ASPM: variants seen among roughly 807,000 people sequenced by gnomAD.
ASPM encodes the protein abnormal spindle-like microcephaly-associated protein.
A neutral mutation model predicts 366.4 loss-of-function variants in ASPM; 256 were observed. The observed-to-expected ratio is 0.70, with a 90% confidence interval of 0.63 to 0.77. The LOEUF (loss-of-function observed/expected upper bound fraction) is 0.77. Ranked by LOEUF, ASPM falls within the 30% of genes least tolerant of loss-of-function variation. The pLI, the probability that ASPM is intolerant of heterozygous loss-of-function variation, is 0.00. For synonymous variants in ASPM, 1,414 were observed against 1,342.9 expected (o/e 1.05, Z -1.16); for missense variants, 4,146 against 4,090.4 (o/e 1.01, Z -0.37).
rs772828137 is a variant in ASPM, at chr1:197,117,777, A to C, written c.4065+12T>G. ...ATTTTTTAAATTCAAAAATTAGTCC[A>C]GGATACTATACCTGAATAAGTGATG... On this transcript the variant is annotated intron_variant, in intron 17 of 27. Transcript: ENST00000367409. 1 of 1,602,172 alleles carries C rather than the reference A, an allele frequency of 6.2e-7. No individual in the cohort carries two copies. The highest frequency in any genetic ancestry group is 8.5e-7 in the Non-Finnish European group (1 of 1,175,692).
rs1172814983 is a variant in ASPM, at chr1:197,101,974, C to A, written c.7277G>T (p.Arg2426Ile). ...AGTAGCTTTTTTGAGGGAAATGAATCTTCTCCTCACCAGTAATGATCTAAA... is the reference window on the plus strand; with the variant it reads ...AGTAGCTTTTTTGAGGGAAATGAATATTCTCCTCACCAGTAATGATCTAAA... ...SRFRSLLVRR[R>I]FISLKKATIF... The change falls in exon 18 of 28, where the codon AGA (arginine) becomes ATA (isoleucine). Residue 2426 changes from arginine (R) to isoleucine (I), a missense_variant. By Grantham distance (97) the Arg-to-Ile change is moderately conservative. Transcript: ENST00000367409. The A allele has an allele frequency of 6.2e-7, 1 of 1,612,580 alleles. No individual in the cohort carries two copies. The highest frequency in any genetic ancestry group is 1.3e-5 in the African/African-American group (1 of 74,766).
Position 197,128,590 on chromosome 1 carries a change from A to C in ASPM, c.2836T>G (p.Leu946Val), listed in dbSNP as rs1362543998. 1 of 1,613,866 alleles carries C rather than the reference A, an allele frequency of 6.2e-7. No homozygotes were observed. The highest frequency in any genetic ancestry group is 1.7e-5 in the Admixed American group (1 of 60,012). Residue 946 changes from leucine to valine, a missense_variant, in exon 10 of 28, where the codon TTA becomes GTA. Physicochemically the swap from Leu to Val is conservative, Grantham distance 32. Around this residue, in one of 3 missense-constraint regions of ASPM, gnomAD observed 3,624 missense variants for 3,591.7 expected, o/e 1.01. Transcript: ENST00000367409. ...ACATGGTTAACAGGTAATCCCAATA[A>C]GCCAAGGTGACGGGAAAGGTCACCT... is the stretch of plus-strand genomic sequence containing the variant. ...GEGDLSRHLG[L>V]LGLPVNHVQT... is the part of the protein sequence containing the mutation.
chr1:197,088,166 A>G, intron 26 of ASPM, 90 bp downstream of exon 26: 1 of 1,392,100 alleles, frequency 7.2e-7, no homozygotes, highest in Non-Finnish European at 1.0e-6. Context: ...CCTATTTTAG[A>G]GTGATAATTA....
rs747515767 is a variant in ASPM at position 197,093,123 on chromosome 1, T to G, written c.9223A>C (p.Lys3075Gln). 3.3e-5 allele frequency: 53 copies of G among 1,612,346 alleles called. No individual in the cohort carries two copies. The East Asian group carries it at 6.9e-4, about 21-fold the overall frequency. The change falls in exon 21 of 28, where the codon AAA becomes CAA. Residue 3075 changes from lysine (K) to glutamine (Q), a missense_variant. Coordinates refer to ENST00000367409, the MANE Select transcript of ASPM (RefSeq NM_018136.5). ...AREAGKHERIKYIEFKKSTVI... is the reference protein window; with the variant it reads ...AREAGKHERIQYIEFKKSTVI... ...GTAGATTTTTTAAATTCAATATATT[T>G]TATCCTTTCATGCTTTCCAGCCTCC... is the stretch of plus-strand genomic sequence containing the variant.
rs772742360 is a variant in ASPM at position 197,117,786 on chromosome 1, T to C, written c.4065+3A>G. On this transcript the variant is annotated splice_donor_region_variant and intron_variant, in intron 17 of 27. Coordinates refer to ENST00000367409, the MANE Select transcript of ASPM (RefSeq NM_018136.5). ...ATTCAAAAATTAGTCCAGGATACTATACCTGAATAAGTGATGCTGCTTTAT... is the reference window on the plus strand; with the variant it reads ...ATTCAAAAATTAGTCCAGGATACTACACCTGAATAAGTGATGCTGCTTTAT... The C allele has an allele frequency of 1.2e-5, 19 of 1,610,258 alleles. No individual in the cohort carries two copies. The East Asian group carries it at 3.3e-4, about 28-fold the overall frequency.
Position 197,108,371 on chromosome 1 carries a change from A to C in ASPM, c.4066-3186T>G, listed in dbSNP as rs560565330. Among the ~76,000 whole-genome samples, 5 of 152,210 alleles carry C rather than the reference A, an allele frequency of 3.3e-5. No homozygotes were observed. In the South Asian group the frequency reaches 1.0e-3, roughly 32 times the overall value. On this transcript the variant is annotated intron_variant, in intron 17 of 27. Coordinates refer to ENST00000367409, the MANE Select transcript of ASPM (RefSeq NM_018136.5). Reference sequence around the variant, plus strand: ...AAACTATAGACAGAAAAGCAAAATTAATCAAAACAAGAAATAATAAAGACT... The same window carrying C: ...AAACTATAGACAGAAAAGCAAAATTCATCAAAACAAGAAATAATAAAGACT...
chr1:197,103,986 A>G lies in ASPM; in HGVS notation c.5265T>C (p.Val1755=), dbSNP rs1657306782. 3 of 1,612,396 alleles carry G rather than the reference A, an allele frequency of 1.9e-6. No homozygotes were observed. The South Asian group carries it at 3.3e-5, about 18-fold the overall frequency. Residue 1755 remains valine, a synonymous_variant, in exon 18 of 28, where the codon GTT becomes GTC. Coordinates refer to ENST00000367409, the MANE Select transcript of ASPM (RefSeq NM_018136.5). ...TTCTGAAATAAGACTGTAGTGAAAT[A>G]ACAGCTTTTCTTTGTAACCTCATCT... ...RKQMRLQRKA[V]ISLQSYFRMR... is the part of the protein sequence containing the mutation.
At chr1:197,139,230 T>A (rs1658509527) in intron 4 of ASPM, 2 of 918,862 alleles carry the variant, frequency 2.2e-6, no homozygotes. Flanking sequence ...TCCCCAAGGC[T>A]AGTGACGGCC....
intron 10 of ASPM, among the ~76,000 whole-genome samples, chr1:197,126,730 GA>G (rs1028162751): frequency 1.3e-5 from 2 of 152,150 alleles, no homozygotes; most frequent in Admixed American, 1.3e-4. Context: ...TGATCAGAAA[GA>G]AAAGAATGTT....
rs768697877 is a variant in ASPM, at chr1:197,104,196, C to A, written c.5055G>T (p.Leu1685Phe). 1.3e-5 allele frequency: 21 copies of A among 1,612,392 alleles called. No individual in the cohort carries two copies. The highest frequency in any genetic ancestry group is 1.7e-5 in the Non-Finnish European group (20 of 1,179,248). ...FLSLKNATIK[L>F]QSTVKMKQTR... The stretch of plus-strand genomic sequence containing the variant: ...TTTGTTTCATCTTAACAGTTGACTG[C>A]AATTTTATTGTAGCATTTTTTAGGC... Residue 1685 changes from leucine to phenylalanine, a missense_variant, in exon 18 of 28, where the codon TTG becomes TTT. Leu to Phe is a conservative substitution (Grantham distance 22). Transcript: ENST00000367409.
chr1:197,144,803 G>A (rs1658718147), intron 1 of ASPM, among the ~76,000 whole-genome samples: 1 of 152,078 alleles, frequency 6.6e-6, no homozygotes, highest in South Asian at 2.1e-4. Flanking sequence ...TTTAAACGCT[G>A]ACATGACAAA....
At chr1:197,126,897 CTG>C (rs908812644) in intron 10 of ASPM, among the ~76,000 whole-genome samples, 4 of 152,186 alleles carry the variant, frequency 2.6e-5, no homozygotes, top group African/African-American at 7.2e-5. Context: ...CCTTCCAACA[CTG>C]TGAACTGGTT....
At chr1:197,097,169 T>C (rs532438918) in intron 18 of ASPM, among the ~76,000 whole-genome samples, 3 of 151,902 alleles carry the variant, frequency 2.0e-5, no homozygotes, top group East Asian at 3.9e-4. Context: ...TTCCCAGGCA[T>C]TGTGAAGACT....
chr1:197,141,161 T>C (rs374691512), intron 3 of ASPM, among the ~76,000 whole-genome samples: 10 of 149,804 alleles, frequency 6.7e-5, no homozygotes, highest in Admixed American at 6.1e-4. Context: ...GAGCTAAATA[T>C]AGCTTTTACA....
intron 9 of ASPM, 59 bp from the exon 10 acceptor site, chr1:197,128,724 AAAC>A: frequency 3.7e-6 from 5 of 1,334,146 alleles, no homozygotes; most frequent in Non-Finnish European, 4.2e-6. Context: ...CTTATAATAA[AAAC>A]AAATCCTCCA....
rs1186255637 is a variant in ASPM at position 197,146,603 on chromosome 1, CAG to C, written c.-168_-167del. ...TTCCACTAACCTACTCCCTAGAAAA[CAG>C]AAAACAAGCCCAATAAACTCGCAAA... is the stretch of plus-strand genomic sequence containing the variant. On this transcript the variant is annotated 5_prime_UTR_variant, in exon 1 of 28. Transcript: ENST00000367409. The C allele has an allele frequency of 2.8e-6, 2 of 702,724 alleles. No homozygotes were observed. Among genetic ancestry groups the C allele is most frequent in the African/African-American group, 3.6e-5 (2 of 55,466 alleles). The allele number at this position is 702,724 out of a possible 1,614,324, so 43.5% of individuals were successfully genotyped here.
At chr1:197,140,882 C>T (rs944554497) in intron 3 of ASPM, among the ~76,000 whole-genome samples, 8 of 152,112 alleles carry the variant, frequency 5.3e-5, no homozygotes, top group Non-Finnish European at 8.8e-5. Context: ...TTAATACCAA[C>T]TTATTAGAAA....
At chr1:197,107,019 G>A (rs1229829039) in intron 17 of ASPM, among the ~76,000 whole-genome samples, 1 of 151,986 alleles carries the variant, frequency 6.6e-6, no homozygotes, top group Non-Finnish European at 1.5e-5. Context: ...TTCTCTGCTT[G>A]AGATATGGGC....
At position 197,102,221 on chromosome 1, in the gene ASPM, T is replaced by C. The variant is rs1369693062; in HGVS notation, c.7030A>G (p.Thr2344Ala). 1.9e-6 allele frequency: 3 copies of C among 1,612,832 alleles called. No homozygotes were observed. Among genetic ancestry groups the C allele is most frequent in the African/African-American group, 1.3e-5 (1 of 74,912 alleles). Residue 2344 changes from threonine to alanine, a missense_variant, in exon 18 of 28, where the codon ACT (threonine) becomes GCT (alanine). Thr to Ala is a moderately conservative substitution (Grantham distance 58, BLOSUM62 0). Around this residue, in one of 3 missense-constraint regions of ASPM, gnomAD observed 3,624 missense variants for 3,591.7 expected, o/e 1.01. Transcript: ENST00000367409. ...MHRAATFIQS[T>A]FRMHRLHMRY... The stretch of plus-strand genomic sequence containing the variant: ...ATATGTAATCTGTGCATTCTGAAAG[T>C]AGACTGGATGAAAGTAGCAGCCCTG...
Sources: gnomAD v4.1 joint callset for allele counts (sites outside exome capture counted in the v4.1 genomes callset) on GRCh38, gnomAD v4.1.1 for gene constraint, gnomAD v4.1.1 regional missense constraint, MANE v1.5 for transcripts, NCBI Gene and HGNC (gene_info 2026-07-23, HGNC 2026-07-21) for gene names.